The following GPM6A variants were observed in gnomAD, a reference collection of about 807,000 sequenced individuals.
GPM6A encodes neuronal membrane glycoprotein M6-a.
A neutral mutation model predicts 32.1 loss-of-function variants in GPM6A; 7 were observed. The ratio of observed to expected loss-of-function variants is 0.22; its 90% CI spans 0.12 to 0.41. The LOEUF is 0.41. Among genes scored for constraint, GPM6A ranks in the 10% least tolerant of loss-of-function variants. The pLI, the probability that GPM6A is intolerant of heterozygous loss-of-function variation, is 1.00. For synonymous variants in GPM6A, 130 were observed against 123.4 expected (o/e 1.05, Z -0.35); for missense variants, 235 against 347.2 (o/e 0.68, Z 2.57).
intron 1 of GPM6A, among the ~76,000 whole-genome samples, chr4:175,965,802 C>CG (rs1457010017): frequency 6.6e-6 from 1 of 151,776 alleles, no homozygotes; most frequent in African/African-American, 2.4e-5. Context: ...TTAGTAGAGA[C>CG]GGGGTTTCAC....
intron 1 of GPM6A, among the ~76,000 whole-genome samples, chr4:175,936,367 AAT>A (rs1739235867): frequency 6.6e-6 from 1 of 151,312 alleles, no homozygotes; most frequent in South Asian, 2.1e-4. Context: ...ATAAAATTAA[AAT>A]AATTTCCAGG....
chr4:175,793,065 G>C (rs572864896), intron 1 of GPM6A, among the ~76,000 whole-genome samples: 267 of 152,152 alleles, frequency 1.8e-3, no homozygotes, highest in South Asian at 2.5e-3. Context: ...TGTGGTCCCA[G>C]GTTTTTCATT....
At position 175,701,750 on chromosome 4, in the gene GPM6A, T is replaced by TA. The variant is rs769049503; in HGVS notation, c.54dup (p.Ile19TyrfsTer31). On this transcript the variant is annotated frameshift_variant, in exon 2 of 7. Transcript: ENST00000393658. LOFTEE classifies it high-confidence loss of function. ...TAGGGAATGCCCCCCAGGCATTTGATACAGCATTCAAAACACCCTGTAGAA... is the reference window on the plus strand; with the variant it reads ...TAGGGAATGCCCCCCAGGCATTTGATAACAGCATTCAAAACACCCTGTAGAA... The TA allele has an allele frequency of 6.2e-7, 1 of 1,611,698 alleles. No individual in the cohort carries two copies. The highest frequency in any genetic ancestry group is 8.5e-7 in the Non-Finnish European group (1 of 1,178,242).
chr4:175,691,651 C>G (rs1744305664), intron 2 of GPM6A, among the ~76,000 whole-genome samples: 1 of 151,882 alleles, frequency 6.6e-6, no homozygotes, highest in Admixed American at 6.6e-5. Flanking sequence ...TCGATTTTAC[C>G]AATTGTCTAC....
intron 1 of GPM6A, among the ~76,000 whole-genome samples, chr4:175,744,694 T>C (rs1443202557): frequency 6.6e-6 from 1 of 152,164 alleles, no homozygotes; most frequent in Non-Finnish European, 1.5e-5. Flanking sequence ...CAAAAGATTT[T>C]AGTTTGTCTC....
intron 1 of GPM6A, chr4:175,786,913 T>C (rs1733822722): frequency 1.3e-5 from 2 of 158,580 alleles, no homozygotes; most frequent in African/African-American, 4.8e-5. Context: ...AGGCTAAACT[T>C]TATTCTTTAA....
chr4:175,731,052 C>A (rs559803824), intron 1 of GPM6A, among the ~76,000 whole-genome samples: 19 of 152,246 alleles, frequency 1.2e-4, no homozygotes, highest in African/African-American at 4.6e-4. Flanking sequence ...GATTGCATCT[C>A]CATTGGCCCA....
At chr4:175,799,666 G>GTTTTTTT (rs1553990612) in intron 1 of GPM6A, among the ~76,000 whole-genome samples, 1 of 114,918 alleles carries the variant, frequency 8.7e-6, no homozygotes, top group Non-Finnish European at 2.1e-5. Context: ...AGTAGCAAGT[G>GTTTTTTT]TTTTCTTTTT....
intron 1 of GPM6A, among the ~76,000 whole-genome samples, chr4:175,825,946 G>A (rs1399482245): frequency 2.0e-5 from 3 of 152,074 alleles, no homozygotes; most frequent in South Asian, 2.1e-4. Context: ...TTGGGAGTCC[G>A]AGGAGGGCAG....
intron 6 of GPM6A, among the ~76,000 whole-genome samples, chr4:175,639,541 C>T (rs932241952): frequency 6.6e-6 from 1 of 152,066 alleles, no homozygotes; most frequent in Non-Finnish European, 1.5e-5. Flanking sequence ...ATTTGGCATT[C>T]CAGTGGGCAT....
intron 1 of GPM6A, among the ~76,000 whole-genome samples, chr4:175,995,460 T>A (rs1399527869): frequency 6.6e-6 from 1 of 151,436 alleles, no homozygotes; most frequent in Non-Finnish European, 1.5e-5. Flanking sequence ...GCCTGTATAT[T>A]AGCGATTAGC....
chr4:175,932,375 A>G (rs1739079737), intron 1 of GPM6A, among the ~76,000 whole-genome samples: 1 of 152,140 alleles, frequency 6.6e-6, no homozygotes, highest in South Asian at 2.1e-4. Flanking sequence ...TTCCCTCCAG[A>G]CGATGGAGCA....
intron 3 of GPM6A, among the ~76,000 whole-genome samples, chr4:175,654,732 G>A (rs1741987206): frequency 6.6e-6 from 1 of 151,932 alleles, no homozygotes; most frequent in African/African-American, 2.4e-5. Context: ...GAACACCTTT[G>A]GGGGAAAAAA....
chr4:175,922,667 G>T (rs1485530546), intron 1 of GPM6A, among the ~76,000 whole-genome samples: 3 of 152,142 alleles, frequency 2.0e-5, no homozygotes, highest in Non-Finnish European at 2.9e-5. Context: ...CTACATAGAT[G>T]AAACTAGCTC....
chr4:175,758,402 A>T (rs1732614036), intron 1 of GPM6A, among the ~76,000 whole-genome samples: 1 of 152,192 alleles, frequency 6.6e-6, no homozygotes, highest in South Asian at 2.1e-4. Flanking sequence ...AAGGAATAGC[A>T]AGTGATATGA....
At chr4:175,789,915 T>C (rs1327964709) in intron 1 of GPM6A, among the ~76,000 whole-genome samples, 2 of 152,282 alleles carry the variant, frequency 1.3e-5, no homozygotes, top group Middle Eastern at 3.4e-3. Context: ...AAGAGCTAAA[T>C]AGAAATTGCC....
chr4:175,658,260 C>T (rs533491731), intron 3 of GPM6A, among the ~76,000 whole-genome samples: 1 of 150,124 alleles, frequency 6.7e-6, no homozygotes, highest in South Asian at 2.1e-4. Context: ...AGCTATCAAG[C>T]TATGAAAAGA....
In GPM6A at chr4:175,810,538, AC is replaced by A. The variant is rs559487248; in HGVS notation, c.37+1652del. 3.9e-3 allele frequency among the ~76,000 whole-genome samples: 589 copies of A among 152,246 alleles called. 2 individuals carry two copies. Among genetic ancestry groups the A allele is most frequent in the African/African-American group, 0.013 (546 of 41,538 alleles). On this transcript the variant is annotated intron_variant, in intron 1 of 6. Transcript: ENST00000393658. ...CTTTTCAGTGTTACCTGAGAAAAAA[AC>A]ATCACAACTAATTACATCATTTTTC...
chr4:175,672,796 C>T (rs1047880594), intron 3 of GPM6A, among the ~76,000 whole-genome samples: 4 of 152,130 alleles, frequency 2.6e-5, no homozygotes, highest in Non-Finnish European at 4.4e-5. Context: ...CAAATACCCA[C>T]AACTCAGGCA....
Sources: allele counts gnomAD v4.1 joint callset (sites outside exome capture counted in the v4.1 genomes callset), GRCh38; gene constraint gnomAD v4.1.1; transcripts MANE v1.5; gene names NCBI Gene and HGNC (gene_info 2026-07-23, HGNC 2026-07-21).